TET3: variants seen among roughly 807,000 people sequenced by gnomAD.
TET3 encodes methylcytosine dioxygenase TET3.
In TET3, 19 loss-of-function variants were observed where a neutral mutation model predicts 141.4. The ratio of observed to expected loss-of-function variants is 0.13; its 90% CI spans 0.09 to 0.20. TET3 has a LOEUF of 0.20. Among genes scored for constraint, TET3 ranks in the 10% least tolerant of loss-of-function variants. The pLI is 1.00. For synonymous variants in TET3, 1,043 were observed against 980.9 expected, an observed-to-expected ratio of 1.06 and a Z score of -1.18; for missense variants, 1,874 against 2,356.9, an observed-to-expected ratio of 0.80 and a Z score of 4.24.
chr2:74,014,890 A>G (rs1339629228), intron 3 of TET3, among the ~76,000 whole-genome samples: 1 of 152,222 alleles, frequency 6.6e-6, no homozygotes, highest in African/African-American at 2.4e-5. Context: ...AGGGACCCAC[A>G]GTGCCAGGAA....
chr2:74,101,267 C>G lies in TET3; in HGVS notation c.4479C>G (p.Phe1493Leu). The change falls in exon 12 of 12, where the codon TTC becomes TTG. Residue 1493 changes from phenylalanine (F) to leucine (L), a missense_variant. Coordinates refer to ENST00000409262, the MANE Select transcript of TET3 (RefSeq NM_001287491.2). The surrounding 1 kb of genome is among the most constrained non-coding windows in gnomAD (Gnocchi z 8.5). Reference protein sequence around the residue: ...SHFTDGQWGLFPGEGQQAASH... With the variant: ...SHFTDGQWGLLPGEGQQAASH... The stretch of plus-strand genomic sequence containing the variant: ...TCACAGATGGCCAGTGGGGGCTGTT[C>G]CCCGGTGAGGGGCAGCAGGCAGCTT... 6.2e-7 allele frequency: 1 copy of G among 1,612,532 alleles called. No homozygotes were observed. Among genetic ancestry groups the G allele is most frequent in the African/African-American group, 1.3e-5 (1 of 75,054 alleles).
intron 4 of TET3, among the ~76,000 whole-genome samples, chr2:74,049,529 T>A (rs1460458709): frequency 2.6e-5 from 4 of 152,114 alleles, no homozygotes; most frequent in Admixed American, 6.6e-5. Flanking sequence ...TTAGGGAGTG[T>A]TCTGTAAAAG....
chr2:74,070,392 CAGT>C (rs1689139586), intron 4 of TET3, among the ~76,000 whole-genome samples: 1 of 152,170 alleles, frequency 6.6e-6, no homozygotes, highest in Non-Finnish European at 1.5e-5. Flanking sequence ...ACCATGAGAA[CAGT>C]ATGGGGGAAA....
chr2:74,036,798 G>C (rs1006126793), intron 3 of TET3, among the ~76,000 whole-genome samples: 1 of 152,160 alleles, frequency 6.6e-6, no homozygotes, highest in African/African-American at 2.4e-5. Context: ...ACCCACATTA[G>C]TTACTGTTAG....
At chr2:74,098,218 T>C (rs1237350550) in intron 10 of TET3, among the ~76,000 whole-genome samples, 1 of 152,202 alleles carries the variant, frequency 6.6e-6, no homozygotes, top group Non-Finnish European at 1.5e-5. Flanking sequence ...TTACAAAATT[T>C]AGCTAAAAGG....
chr2:74,110,530 T>C (rs1265162494), downstream of TET3, among the ~76,000 whole-genome samples: 1 of 152,012 alleles, frequency 6.6e-6, no homozygotes, highest in Non-Finnish European at 1.5e-5. Context: ...CCTAAAAACA[T>C]GTTCGACACA....
At chr2:74,082,492 A>G (rs143262630) in intron 6 of TET3, among the ~76,000 whole-genome samples, 48 of 152,300 alleles carry the variant, frequency 3.2e-4, no homozygotes, top group African/African-American at 1.0e-3. Flanking sequence ...GTGGGTGAAC[A>G]TAGAAGGTGC....
At chr2:73,985,419 G>A (rs1334374355) in intron 1 of TET3, among the ~76,000 whole-genome samples, 1 of 144,584 alleles carries the variant, frequency 6.9e-6, no homozygotes, top group Non-Finnish European at 1.5e-5. Flanking sequence ...GGCGGCGCGC[G>A]CGCGGCCCGG....
At position 74,047,421 on chromosome 2, in the gene TET3, G is replaced by GCCCCAT. The variant is rs1216884423; in HGVS notation, c.1509_1514dup (p.Ser504_Pro505dup). On this transcript the variant is annotated inframe_insertion, in exon 4 of 12. Transcript: ENST00000409262. ...GGCACCCTCTTCCTCCCCGGCCCCG[G>GCCCCAT]CCCCATCCCCTGTACTTCAGAGGGA... 4 of 1,612,564 alleles carry GCCCCAT rather than the reference G, an allele frequency of 2.5e-6. No homozygotes were observed. Among genetic ancestry groups the GCCCCAT allele is most frequent in the African/African-American group, 1.3e-5 (1 of 74,870 alleles).
intron 3 of TET3, among the ~76,000 whole-genome samples, chr2:74,030,852 G>T (rs1686641556): frequency 6.6e-6 from 1 of 152,200 alleles, no homozygotes; most frequent in South Asian, 2.1e-4. Context: ...ATGCTCTACA[G>T]GAGCAGTTGG....
intron 10 of TET3, among the ~76,000 whole-genome samples, chr2:74,098,408 T>C (rs1690970717): frequency 6.6e-6 from 1 of 152,172 alleles, no homozygotes; most frequent in South Asian, 2.1e-4. Flanking sequence ...GAAGCTATTA[T>C]GTGACCATAT....
At chr2:74,005,571 TGTGTGAGCTCATCTTGGTCTG>T (rs1573666548) in intron 3 of TET3, among the ~76,000 whole-genome samples, 1 of 152,140 alleles carries the variant, frequency 6.6e-6, no homozygotes, top group East Asian at 1.9e-4. Context: ...ATATGTCTGA[TGTGTGAGCTCATCTTGGTCTG>T]GTGTGAGATC....
intron 10 of TET3, 62 bp from the exon 11 acceptor site, chr2:74,099,214 C>T: frequency 6.9e-7 from 1 of 1,446,306 alleles, no homozygotes; most frequent in Admixed American, 2.1e-5. Flanking sequence ...GTGCTCAGAC[C>T]CCTCTCTCCC....
intron 3 of TET3, among the ~76,000 whole-genome samples, chr2:74,029,945 T>C (rs1190500403): frequency 1.3e-5 from 2 of 152,226 alleles, no homozygotes; most frequent in Non-Finnish European, 2.9e-5. Context: ...GTATGTAACA[T>C]GGGTTTATGT....
downstream of TET3, among the ~76,000 whole-genome samples, chr2:74,112,927 G>T (rs909256876): frequency 7.1e-6 from 1 of 140,062 alleles, no homozygotes; most frequent in Non-Finnish European, 1.5e-5. Context: ...CTTGATATGG[G>T]ACCCGAGAGG....
At chr2:73,984,812 CCGGCCGGGCCGGCGGGGCT>C (rs979128337), upstream of TET3, among the ~76,000 whole-genome samples, 20 of 147,358 alleles carry the variant, frequency 1.4e-4, no homozygotes, top group South Asian at 3.4e-3. This position sits in a 1 kb window ranked among gnomAD's most constrained non-coding sequence, Gnocchi z 5.6. Flanking sequence ...GGCCCGGGGC[CCGGCCGGGCCGGCGGGGCT>C]CGGCGGGGCC....
rs1690656144 is a variant in TET3, at chr2:74,093,953, C to T, written c.3267+287C>T. Among the ~76,000 whole-genome samples the T allele has an allele frequency of 6.6e-6, 1 of 152,194 alleles. No individual in the cohort carries two copies. On this transcript the variant is annotated intron_variant, in intron 10 of 11. Coordinates refer to ENST00000409262, the MANE Select transcript of TET3 (RefSeq NM_001287491.2). This position sits in a 1 kb window ranked among gnomAD's most constrained non-coding sequence, Gnocchi z 4.2. ...AGTGCCCAGTTATCTAAAGCGTGGG[C>T]CCCGGTCTCTGTGGACACTTGGATT...
rs770073243 is a variant in TET3, at chr2:74,073,521, A to G, written c.2495-28A>G. The stretch of plus-strand genomic sequence containing the variant: ...TTAATATTGACTAATTGATATTCCA[A>G]AAATGTTTACTCTCTGTGTTTCTGC... On this transcript the variant is annotated intron_variant, in intron 4 of 11. Transcript: ENST00000409262. 3.9e-5 allele frequency: 61 copies of G among 1,547,504 alleles called. 1 individual carries two copies. The South Asian group carries it at 6.4e-4, about 16-fold the overall frequency.
intron 8 of TET3, among the ~76,000 whole-genome samples, chr2:74,092,032 T>G (rs1324637158): frequency 7.2e-5 from 11 of 152,188 alleles, no homozygotes; most frequent in Admixed American, 7.2e-4. Context: ...GGCCGGGCAT[T>G]GTGGCTCACG....
Sources: gnomAD v4.1 joint callset for allele counts (sites outside exome capture counted in the v4.1 genomes callset) on GRCh38, gnomAD v4.1.1 for gene constraint, Gnocchi (gnomAD v3.1) non-coding constraint, MANE v1.5 for transcripts, NCBI Gene and HGNC (gene_info 2026-07-23, HGNC 2026-07-21) for gene names.